Variants in TENM2 observed in about 807,000 individuals in gnomAD.
The protein encoded by TENM2 is teneurin transmembrane protein 2.
Under a neutral mutation model 245.2 loss-of-function variants are expected in TENM2, and 52 were observed. That is an observed-to-expected ratio of 0.21 (90% CI 0.17 to 0.27). The LOEUF (loss-of-function observed/expected upper bound fraction) is 0.27. TENM2 is among the 10% of genes least tolerant of loss of function. The pLI is 1.00. For missense variants in TENM2, 3,046 were observed against 3,666.8 expected (o/e 0.83, Z 4.37); for synonymous variants, 1,363 against 1,438.9 (o/e 0.95, Z 1.19).
intron 9 of TENM2, among the ~76,000 whole-genome samples, chr5:168,113,583 T>A (rs1489674794): frequency 7.4e-6 from 1 of 135,078 alleles, no homozygotes; most frequent in Non-Finnish European, 1.6e-5. Context: ...ATAACACTGA[T>A]AATTCATCTC....
chr5:167,255,073 C>CTT, the TENM2 span, among the ~76,000 whole-genome samples: 59 of 125,508 alleles, frequency 4.7e-4, no homozygotes, highest in South Asian at 1.5e-3. Context: ...CTTTTCTTTT[C>CTT]TTTTTTTTTT....
chr5:168,215,544 C>T (rs1001135520), intron 21 of TENM2, among the ~76,000 whole-genome samples: 5 of 152,178 alleles, frequency 3.3e-5, no homozygotes, highest in African/African-American at 2.4e-5. Context: ...CGGTGGGCGC[C>T]TGTAGTCCCA....
At chr5:167,062,325 G>A in the TENM2 span, among the ~76,000 whole-genome samples, 1 of 151,990 alleles carries the variant, frequency 6.6e-6, no homozygotes, top group African/African-American at 2.4e-5. Flanking sequence ...GCTGAGACGT[G>A]GGTTAAAGGT....
At chr5:167,152,019 G>A in the TENM2 span, among the ~76,000 whole-genome samples, 2 of 152,108 alleles carry the variant, frequency 1.3e-5, no homozygotes, top group African/African-American at 2.4e-5. Flanking sequence ...AAGCCAGTGT[G>A]GTATGTGGGG....
chr5:167,986,850 GCC>G (rs1482587013), intron 4 of TENM2, among the ~76,000 whole-genome samples: 1 of 152,168 alleles, frequency 6.6e-6, no homozygotes, highest in South Asian at 2.1e-4. Flanking sequence ...AGTCCCCTAA[GCC>G]CTCTTGGTCC....
chr5:168,021,165 C>T (rs1786109807), intron 5 of TENM2, among the ~76,000 whole-genome samples: 1 of 152,150 alleles, frequency 6.6e-6, no homozygotes, highest in South Asian at 2.1e-4. Context: ...GTTATATCCT[C>T]CTGAGAATGC....
intron 2 of TENM2, among the ~76,000 whole-genome samples, chr5:167,803,149 C>T (rs1349304790): frequency 6.6e-6 from 1 of 152,114 alleles, no homozygotes; most frequent in Non-Finnish European, 1.5e-5. Flanking sequence ...TTACCTCTTA[C>T]ACAGTGAACA....
chr5:168,213,401 G>T (rs1308916806), intron 20 of TENM2, among the ~76,000 whole-genome samples: 2 of 152,030 alleles, frequency 1.3e-5, no homozygotes, highest in Non-Finnish European at 2.9e-5. Context: ...GACCCCAAAT[G>T]GTGGTGTTTT....
chr5:167,657,054 C>T (rs764331350), intron 2 of TENM2, among the ~76,000 whole-genome samples: 1 of 150,980 alleles, frequency 6.6e-6, no homozygotes, highest in Non-Finnish European at 1.5e-5. Context: ...AACACTTGAA[C>T]GTATTTCTTC....
chr5:167,185,459 A>G, the TENM2 span, among the ~76,000 whole-genome samples: 1 of 152,120 alleles, frequency 6.6e-6, no homozygotes, highest in Non-Finnish European at 1.5e-5. Context: ...TACATGCCCT[A>G]TTTTTGAGTG....
chr5:167,734,411 C>T (rs145082343), intron 2 of TENM2, among the ~76,000 whole-genome samples: 1,757 of 150,604 alleles, frequency 0.012, 14 homozygotes, highest in Non-Finnish European at 0.016. Context: ...ATCTAAAAAG[C>T]AGGCAAAAGG....
intron 3 of TENM2, among the ~76,000 whole-genome samples, chr5:167,927,075 C>T (rs187767404): frequency 1.4e-4 from 22 of 152,030 alleles, no homozygotes; most frequent in Middle Eastern, 3.4e-3. Context: ...CCATTGTATT[C>T]GTGTGTATGC....
chr5:167,155,036 A>G, the TENM2 span, among the ~76,000 whole-genome samples: 10 of 152,296 alleles, frequency 6.6e-5, no homozygotes, highest in South Asian at 1.2e-3. Flanking sequence ...AAGTTTTGTC[A>G]TATTCTTCTT....
intron 2 of TENM2, among the ~76,000 whole-genome samples, chr5:167,497,412 C>T (rs539281245): frequency 2.0e-5 from 3 of 152,130 alleles, no homozygotes; most frequent in East Asian, 3.9e-4. Flanking sequence ...TCTAAGGTAC[C>T]TCAATAATGC....
chr5:168,145,415 C>T (rs1376669925), intron 12 of TENM2, among the ~76,000 whole-genome samples: 2 of 134,524 alleles, frequency 1.5e-5, no homozygotes, highest in African/African-American at 5.6e-5. Flanking sequence ...CCAGTTTTCC[C>T]AGCACCATTT....
intron 9 of TENM2, among the ~76,000 whole-genome samples, chr5:168,099,014 A>G (rs1047007558): frequency 3.3e-5 from 5 of 152,190 alleles, no homozygotes; most frequent in East Asian, 3.9e-4. Context: ...GTTTCAAGCA[A>G]TTATCCTACC....
chr5:167,773,516 A>G (rs562343171), intron 2 of TENM2, among the ~76,000 whole-genome samples: 1 of 152,214 alleles, frequency 6.6e-6, no homozygotes, highest in Admixed American at 6.5e-5. Flanking sequence ...ACAATTGAGA[A>G]TTCTTAGTGT....
intron 3 of TENM2, among the ~76,000 whole-genome samples, chr5:167,925,750 T>C (rs1383926971): frequency 6.6e-6 from 1 of 152,216 alleles, no homozygotes; most frequent in African/African-American, 2.4e-5. Context: ...GTGGTACATA[T>C]ACACCATGGA....
At chr5:167,416,581 G>A (rs1002047608) in intron 2 of TENM2, among the ~76,000 whole-genome samples, 34 of 152,154 alleles carry the variant, frequency 2.2e-4, no homozygotes, top group African/African-American at 5.8e-4. Flanking sequence ...ATATTGGCAC[G>A]ACACCACATT....
Sources: gnomAD v4.1 joint callset for allele counts (sites outside exome capture counted in the v4.1 genomes callset) on GRCh38, gnomAD v4.1.1 for gene constraint, MANE v1.5 for transcripts, NCBI Gene and HGNC (gene_info 2026-07-23, HGNC 2026-07-21) for gene names.